The following STAU2 variants were observed in gnomAD, a reference collection of about 807,000 sequenced individuals.
STAU2 encodes the protein staufen double-stranded RNA binding protein 2.
In STAU2, 20 loss-of-function variants were observed where a neutral mutation model predicts 65.9. That is an observed-to-expected ratio of 0.30 (90% confidence interval 0.21 to 0.44). STAU2 has a LOEUF of 0.44. Among genes scored for constraint, STAU2 ranks in the 20% least tolerant of loss-of-function variants. STAU2 has a pLI of 1.00. For synonymous variants in STAU2, 232 were observed against 233.9 expected (o/e 0.99, Z 0.07); for missense variants, 558 against 683.9 (o/e 0.82, Z 2.05).
intron 1 of STAU2, among the ~76,000 whole-genome samples, chr8:73,746,104 A>C (rs1177011949): frequency 6.6e-6 from 1 of 152,110 alleles, no homozygotes; most frequent in Non-Finnish European, 1.5e-5. Context: ...AGTTCGTAAC[A>C]GCCACAGCAG....
At chr8:73,469,685 G>C (rs1159177179) in intron 13 of STAU2, among the ~76,000 whole-genome samples, 2 of 151,942 alleles carry the variant, frequency 1.3e-5, no homozygotes, top group Non-Finnish European at 2.9e-5. Context: ...GAATATGGGT[G>C]AGAAAAACAA....
chr8:73,644,135 T>G (rs1032643285), intron 6 of STAU2, among the ~76,000 whole-genome samples: 2 of 152,078 alleles, frequency 1.3e-5, no homozygotes, highest in African/African-American at 4.8e-5. Context: ...ATAACAAAGA[T>G]AACAGGAAAA....
At chr8:73,691,839 C>G (rs926098436) in intron 4 of STAU2, among the ~76,000 whole-genome samples, 2 of 152,108 alleles carry the variant, frequency 1.3e-5, no homozygotes, top group African/African-American at 4.8e-5. Context: ...TAACACAGAG[C>G]TCTTAAATTC....
chr8:73,730,771 T>TTTTGCTG (rs1806001402), intron 3 of STAU2, among the ~76,000 whole-genome samples: 1 of 151,772 alleles, frequency 6.6e-6, no homozygotes, highest in Non-Finnish European at 1.5e-5. Context: ...AGAATACATA[T>TTTTGCTG]TTTGCTGTTG....
Position 73,558,653 on chromosome 8 carries a change from G to A in STAU2, c.1223-6334C>T, listed in dbSNP as rs187913881. On this transcript the variant is annotated intron_variant, in intron 12 of 14. Coordinates refer to ENST00000524300, the MANE Select transcript of STAU2 (RefSeq NM_001164380.2). ...TTGTGAGTAGCAAGTGGTATCAGAG[G>A]TATTAAAACACAGCAAGCCAGGCAG... Among the ~76,000 whole-genome samples the A allele has an allele frequency of 8.9e-4, 135 of 152,274 alleles. 1 individual carries two copies. Among genetic ancestry groups the A allele is most frequent in the Middle Eastern group, 6.8e-3 (2 of 294 alleles).
Position 73,577,898 on chromosome 8 carries a change from T to C in STAU2, c.1222+4872A>G, listed in dbSNP as rs544070743. Among the ~76,000 whole-genome samples, 806 of 152,330 alleles carry C rather than the reference T, an allele frequency of 5.3e-3. 3 individuals are homozygous for C. Among genetic ancestry groups the C allele is most frequent in the Non-Finnish European group, 9.2e-3 (624 of 68,018 alleles). On this transcript the variant is annotated intron_variant, in intron 12 of 14. Coordinates refer to ENST00000524300, the MANE Select transcript of STAU2 (RefSeq NM_001164380.2). Reference sequence around the variant, plus strand: ...TTGGCCATTGGGGTGTTTGCCTTTTTTTAAAAAATTGACTTTTATGTGTCC... The same window carrying C: ...TTGGCCATTGGGGTGTTTGCCTTTTCTTAAAAAATTGACTTTTATGTGTCC...
chr8:73,520,452 T>C (rs1340362791), intron 13 of STAU2, among the ~76,000 whole-genome samples: 1 of 152,222 alleles, frequency 6.6e-6, no homozygotes, highest in Non-Finnish European at 1.5e-5. Context: ...ATACGGCTAC[T>C]AGAAAATTTA....
chr8:73,575,543 T>C (rs1167822339), intron 12 of STAU2, among the ~76,000 whole-genome samples: 1 of 152,186 alleles, frequency 6.6e-6, no homozygotes, highest in Non-Finnish European at 1.5e-5. Flanking sequence ...ATGAGGTTTT[T>C]ACATGGCAGA....
At chr8:73,496,336 C>A (rs1326516033) in intron 13 of STAU2, among the ~76,000 whole-genome samples, 1 of 151,438 alleles carries the variant, frequency 6.6e-6, no homozygotes, top group Non-Finnish European at 1.5e-5. Context: ...TGAAGATGAC[C>A]ACTTTGGAGG....
At chr8:73,692,968 T>TG (rs1161364872) in intron 4 of STAU2, among the ~76,000 whole-genome samples, 1 of 151,278 alleles carries the variant, frequency 6.6e-6, no homozygotes, top group East Asian at 2.0e-4. Flanking sequence ...GAGACCAGCC[T>TG]GGGCAACACA....
intron 13 of STAU2, among the ~76,000 whole-genome samples, chr8:73,459,505 C>T (rs1819233616): frequency 6.6e-6 from 1 of 152,116 alleles, no homozygotes. Context: ...TAGTTGGAAG[C>T]ACTCTGGTTT....
At chr8:73,604,606 AAAAGAG>A (rs1311806543) in intron 9 of STAU2, among the ~76,000 whole-genome samples, 1 of 152,194 alleles carries the variant, frequency 6.6e-6, no homozygotes, top group Non-Finnish European at 1.5e-5. Context: ...AGTACTAAGA[AAAAGAG>A]AATATAAAAG....
chr8:73,585,545 C>T (rs1308911324), intron 11 of STAU2, among the ~76,000 whole-genome samples: 3 of 152,160 alleles, frequency 2.0e-5, no homozygotes, highest in Admixed American at 2.0e-4. Context: ...GAGAGCTATG[C>T]CTAACTTCAA....
At chr8:73,516,797 G>A (rs1822752163) in intron 13 of STAU2, among the ~76,000 whole-genome samples, 1 of 152,082 alleles carries the variant, frequency 6.6e-6, no homozygotes, top group Admixed American at 6.5e-5. Flanking sequence ...GACCTCCAGT[G>A]GGCAATAATG....
At chr8:73,717,080 G>A (rs146035413) in intron 3 of STAU2, among the ~76,000 whole-genome samples, 1,910 of 152,102 alleles carry the variant, frequency 0.013, 40 homozygotes, top group African/African-American at 0.043. Context: ...CCAGCCTGGG[G>A]AACAGAGCAA....
chr8:73,486,803 C>T (rs1820939668), intron 13 of STAU2, among the ~76,000 whole-genome samples: 1 of 151,634 alleles, frequency 6.6e-6, no homozygotes, highest in Non-Finnish European at 1.5e-5. Flanking sequence ...CAGGCGTGTG[C>T]CACCACACCT....
intron 11 of STAU2, among the ~76,000 whole-genome samples, chr8:73,584,585 A>G (rs961687354): frequency 3.3e-5 from 5 of 152,158 alleles, no homozygotes; most frequent in Admixed American, 3.3e-4. Flanking sequence ...ATCAAACTAC[A>G]TCTTCTAACT....
chr8:73,599,407 A>T (rs1193421684), intron 10 of STAU2, among the ~76,000 whole-genome samples: 1 of 152,218 alleles, frequency 6.6e-6, no homozygotes, highest in East Asian at 1.9e-4. Context: ...AGGTTCCCAT[A>T]TATCAGTTTT....
rs1214709380 is a variant in STAU2, at chr8:73,433,523, CAG to C, written c.1531-10823_1531-10822del. ...CCCGCCTTTTTTTTTTTTTTTTTGA[CAG>C]AGTCTGGCTCTGTTGCCCAGGCTAG... On this transcript the variant is annotated intron_variant, in intron 13 of 14. Transcript: ENST00000524300. Among the ~76,000 whole-genome samples the C allele has an allele frequency of 1.9e-4, 25 of 131,776 alleles. No homozygotes were observed. The South Asian group carries it at 5.7e-3, about 30-fold the overall frequency. The allele number at this position is 131,776 out of a possible 152,430, so 86.5% of individuals were successfully genotyped here. A position where few individuals can be genotyped will look rare whatever the true frequency, so the allele number is the denominator to read the frequency against.
Sources: allele counts gnomAD v4.1 joint callset (sites outside exome capture counted in the v4.1 genomes callset), GRCh38; gene constraint gnomAD v4.1.1; transcripts MANE v1.5; gene names NCBI Gene and HGNC (gene_info 2026-07-23, HGNC 2026-07-21).